The following PDLIM5 variants were observed in gnomAD, a reference collection of about 807,000 sequenced individuals.
PDLIM5 encodes PDZ and LIM domain 5.
A neutral mutation model predicts 64.2 loss-of-function variants in PDLIM5; 34 were observed. That is an observed-to-expected ratio of 0.53 (90% CI 0.40 to 0.71). The LOEUF (loss-of-function observed/expected upper bound fraction) is 0.71, where lower values mean the gene tolerates loss of function less well. PDLIM5 is among the 30% of genes least tolerant of loss of function. The pLI is 0.00. For missense variants in PDLIM5, 683 were observed against 733.6 expected (o/e 0.93, Z 0.80); for synonymous variants, 253 against 269.1 (o/e 0.94, Z 0.59).
At chr4:94,625,733 G>A (rs1325027892) in intron 8 of PDLIM5, among the ~76,000 whole-genome samples, 3 of 152,126 alleles carry the variant, frequency 2.0e-5, no homozygotes, top group African/African-American at 7.2e-5. Flanking sequence ...GATTACAGAC[G>A]TGAGCCACTG....
At chr4:94,550,108 A>C (rs139556797) in intron 3 of PDLIM5, 7 of 152,008 alleles carry the variant, frequency 4.6e-5, no homozygotes, top group Admixed American at 2.0e-4. Flanking sequence ...TAATGTAATA[A>C]TATATAGTTA....
intron 2 of PDLIM5, among the ~76,000 whole-genome samples, chr4:94,502,903 A>G (rs770638853): frequency 6.6e-6 from 1 of 152,102 alleles, no homozygotes; most frequent in African/African-American, 2.4e-5. Context: ...AAGTTAATAC[A>G]TGTAAAACAT....
At chr4:94,499,511 C>T (rs1169825913) in intron 2 of PDLIM5, among the ~76,000 whole-genome samples, 6 of 152,082 alleles carry the variant, frequency 3.9e-5, no homozygotes, top group African/African-American at 7.2e-5. Flanking sequence ...AAGAAAAGAA[C>T]CTAATACTGT....
At chr4:94,599,218 A>T (rs2110345958) in intron 7 of PDLIM5, among the ~76,000 whole-genome samples, 1 of 152,308 alleles carries the variant, frequency 6.6e-6, no homozygotes, top group African/African-American at 2.4e-5. Context: ...GGAGACTGTT[A>T]TGAGTATCCC....
At chr4:94,532,291 C>T (rs140132110) in intron 3 of PDLIM5, among the ~76,000 whole-genome samples, 3 of 152,128 alleles carry the variant, frequency 2.0e-5, no homozygotes, top group South Asian at 2.1e-4. Context: ...AATGAAGGGA[C>T]GGACGAACGT....
At chr4:94,602,154 G>T (rs1267505967) in intron 7 of PDLIM5, among the ~76,000 whole-genome samples, 1 of 151,996 alleles carries the variant, frequency 6.6e-6, no homozygotes, top group Non-Finnish European at 1.5e-5. Flanking sequence ...TATATTTCAA[G>T]GTTTGTGAAT....
chr4:94,543,672 A>G (rs953448448), intron 3 of PDLIM5, among the ~76,000 whole-genome samples: 1 of 151,840 alleles, frequency 6.6e-6, no homozygotes, highest in African/African-American at 2.4e-5. Context: ...ATCATGCGGT[A>G]TTTGTCTGTG....
Position 94,585,861 on chromosome 4 carries a change from A to T in PDLIM5, c.883+124A>T, listed in dbSNP as rs1205048569. The T allele has an allele frequency of 2.9e-5, 20 of 688,278 alleles. No individual in the cohort carries two copies. The Admixed American group carries it at 5.2e-4, about 18-fold the overall frequency. The allele number at this position is 688,278 out of a possible 1,614,324, so 42.6% of individuals were successfully genotyped here. On this transcript the variant is annotated intron_variant, in intron 6 of 12. Transcript: ENST00000317968. ...AGTTTGCTTTTAAATTATGCTGTGC[A>T]TAACATGGGTAATATAAATAAGACC...
At chr4:94,495,933 T>C (rs1385796653) in intron 2 of PDLIM5, among the ~76,000 whole-genome samples, 2 of 152,176 alleles carry the variant, frequency 1.3e-5, no homozygotes, top group Non-Finnish European at 2.9e-5. Flanking sequence ...AGGATTTTTA[T>C]ATGTCCTTGG....
intron 1 of PDLIM5, among the ~76,000 whole-genome samples, chr4:94,454,450 C>T (rs976308236): frequency 1.3e-5 from 2 of 151,974 alleles, no homozygotes; most frequent in African/African-American, 4.8e-5. Flanking sequence ...TTCTAAACTG[C>T]CAATTCCATT....
intron 2 of PDLIM5, among the ~76,000 whole-genome samples, chr4:94,490,118 A>G (rs982432837): frequency 6.6e-6 from 1 of 151,866 alleles, no homozygotes; most frequent in East Asian, 1.9e-4. Context: ...AAAAAATCAA[A>G]TATGAACTGT....
chr4:94,610,184 T>A, intron 7 of PDLIM5: 1 of 1,526,950 alleles, frequency 6.5e-7, no homozygotes, highest in Non-Finnish European at 8.8e-7. Flanking sequence ...ACAGGAAATG[T>A]GGAAGATTCT....
chr4:94,607,661 A>G (rs1202384112), intron 7 of PDLIM5, among the ~76,000 whole-genome samples: 2 of 152,192 alleles, frequency 1.3e-5, no homozygotes, highest in African/African-American at 2.4e-5. Context: ...TATAGTGGAA[A>G]TAATACAGGC....
intron 3 of PDLIM5, among the ~76,000 whole-genome samples, chr4:94,551,981 G>A (rs1203065577): frequency 6.6e-6 from 1 of 152,148 alleles, no homozygotes; most frequent in Admixed American, 6.5e-5. Flanking sequence ...ATTAGGCAAA[G>A]ATATTACGTA....
chr4:94,663,184 A>T (rs1742878447), intron 12 of PDLIM5, among the ~76,000 whole-genome samples: 1 of 152,208 alleles, frequency 6.6e-6, no homozygotes, highest in Non-Finnish European at 1.5e-5. Context: ...AATTAGATTT[A>T]ACATATCTAC....
chr4:94,525,841 C>T (rs201907718), intron 3 of PDLIM5, among the ~76,000 whole-genome samples: 16 of 151,934 alleles, frequency 1.1e-4, no homozygotes, highest in Admixed American at 5.9e-4. Flanking sequence ...CATTTTAATG[C>T]GTAGGAAAGT....
chr4:94,469,639 C>G (rs1434958211), intron 2 of PDLIM5, among the ~76,000 whole-genome samples: 1 of 152,176 alleles, frequency 6.6e-6, no homozygotes, highest in Middle Eastern at 3.4e-3. Flanking sequence ...TAGGACAACT[C>G]CTGGGGATTT....
intron 8 of PDLIM5, among the ~76,000 whole-genome samples, chr4:94,625,137 T>C (rs1158525196): frequency 1.3e-5 from 2 of 152,228 alleles, no homozygotes; most frequent in Admixed American, 6.5e-5. Context: ...GTTTTAACCA[T>C]TGCCCTCTCT....
At chr4:94,453,223 A>AT (rs1440100930) in intron 1 of PDLIM5, among the ~76,000 whole-genome samples, 1 of 152,128 alleles carries the variant, frequency 6.6e-6, no homozygotes, top group Non-Finnish European at 1.5e-5. Context: ...CCTGCTTGGT[A>AT]TTTGAGGAAG....
Sources: gnomAD v4.1 joint callset for allele counts (sites outside exome capture counted in the v4.1 genomes callset) on GRCh38, gnomAD v4.1.1 for gene constraint, MANE v1.5 for transcripts, NCBI Gene and HGNC (gene_info 2026-07-23, HGNC 2026-07-21) for gene names.